AIM2: variants seen among roughly 807,000 people sequenced by gnomAD.
The protein encoded by AIM2 is interferon-inducible protein AIM2.
A neutral mutation model predicts 27.7 loss-of-function variants in AIM2; 30 were observed. That is an observed-to-expected ratio of 1.08 (90% confidence interval 0.81 to 1.47). The LOEUF is 1.47. Among genes scored for constraint, AIM2 ranks in the 40% most tolerant of loss-of-function variants. AIM2 has a pLI of 0.00. For synonymous variants in AIM2, 141 were observed against 145.3 expected, an observed-to-expected ratio of 0.97 and a Z score of 0.21; for missense variants, 358 against 411.3, an observed-to-expected ratio of 0.87 and a Z score of 1.12.
chr1:159,123,783 CCACAGTGTCGG>C (rs1647606213), intron 1 of AIM2, among the ~76,000 whole-genome samples: 2 of 152,230 alleles, frequency 1.3e-5, no homozygotes, highest in Admixed American at 1.3e-4. Context: ...AAGTGCTAAA[CCACAGTGTCGG>C]AAGGTAGCAG....
intron 1 of AIM2, among the ~76,000 whole-genome samples, chr1:159,100,434 A>G (rs1045616896): frequency 1.3e-5 from 2 of 152,204 alleles, no homozygotes; most frequent in Non-Finnish European, 2.9e-5. Flanking sequence ...GGACCAAGGG[A>G]AAGAGGGAGG....
At chr1:159,127,702 A>G (rs942920686) in intron 1 of AIM2, among the ~76,000 whole-genome samples, 11 of 152,206 alleles carry the variant, frequency 7.2e-5, no homozygotes, top group Non-Finnish European at 1.5e-5. Flanking sequence ...TTTCCACCAC[A>G]TGAGGACATA....
upstream of AIM2, among the ~76,000 whole-genome samples, chr1:159,142,274 G>C (rs1359672606): frequency 1.3e-5 from 2 of 152,196 alleles, no homozygotes; most frequent in South Asian, 2.1e-4. Context: ...GTCAAGCCCA[G>C]GCAAGAGGTA....
chr1:159,132,480 G>A (rs772398881), intron 1 of AIM2: 4 of 152,172 alleles, frequency 2.6e-5, no homozygotes, highest in Non-Finnish European at 4.4e-5. Context: ...CCTCCCAGCA[G>A]GTGGCGCCCT....
chr1:159,118,217 A>C (rs970646378), intron 1 of AIM2, among the ~76,000 whole-genome samples: 16 of 152,248 alleles, frequency 1.1e-4, no homozygotes. Flanking sequence ...GTTGTTCTAT[A>C]TCTTTTGCTA....
At chr1:159,121,480 T>C (rs969409597) in intron 1 of AIM2, among the ~76,000 whole-genome samples, 66 of 151,460 alleles carry the variant, frequency 4.4e-4, no homozygotes, top group African/African-American at 1.6e-3. Flanking sequence ...TGTAAGCATG[T>C]TTTTTTTTCC....
intron 1 of AIM2, among the ~76,000 whole-genome samples, chr1:159,127,353 C>G (rs993540501): frequency 2.0e-5 from 3 of 152,194 alleles, no homozygotes; most frequent in Non-Finnish European, 4.4e-5. Flanking sequence ...TGCTCTCACG[C>G]CACACTATCT....
At chr1:159,062,793 G>T in intron 5 of AIM2, 75 bp from the exon 6 acceptor site, 1 of 1,324,496 alleles carries the variant, frequency 7.6e-7, no homozygotes, top group South Asian at 1.2e-5. Context: ...AGTCACTATG[G>T]CCTTCTGAAG....
intron 1 of AIM2, among the ~76,000 whole-genome samples, chr1:159,132,779 A>T (rs1647924309): frequency 6.6e-6 from 1 of 152,230 alleles, no homozygotes; most frequent in Non-Finnish European, 1.5e-5. Context: ...TATAAGAGGC[A>T]GTCCAGTACC....
chr1:159,136,369 C>T (rs1648009449), intron 1 of AIM2, among the ~76,000 whole-genome samples: 1 of 152,042 alleles, frequency 6.6e-6, no homozygotes, highest in African/African-American at 2.4e-5. Context: ...TACAGCTTAC[C>T]CTATTTAATT....
At chr1:159,142,763 T>C (rs146181384), upstream of AIM2, among the ~76,000 whole-genome samples, 1 of 152,350 alleles carries the variant, frequency 6.6e-6, no homozygotes, top group African/African-American at 2.4e-5. Flanking sequence ...TTGTTTATAA[T>C]TTCCACTGAG....
downstream of AIM2, among the ~76,000 whole-genome samples, chr1:159,058,376 G>A (rs1262527004): frequency 1.7e-4 from 26 of 150,284 alleles, no homozygotes; most frequent in Admixed American, 1.7e-3. Flanking sequence ...AGGAGTGGGG[G>A]ATGAAGCTGG....
chr1:159,088,991 A>G (rs1656985846), intron 1 of AIM2, among the ~76,000 whole-genome samples: 1 of 152,240 alleles, frequency 6.6e-6, no homozygotes, highest in South Asian at 2.1e-4. Flanking sequence ...GTTCACAGGT[A>G]TCTCCATTTT....
chr1:159,075,703 GA>G (rs1656580460), intron 1 of AIM2, among the ~76,000 whole-genome samples: 1 of 152,024 alleles, frequency 6.6e-6, no homozygotes, highest in Non-Finnish European at 1.5e-5. Context: ...CAGTCTATTT[GA>G]AAAGTGTGCA....
chr1:159,068,480 G>A, intron 3 of AIM2, 88 bp downstream of exon 3: 1 of 1,474,780 alleles, frequency 6.8e-7, no homozygotes, highest in Admixed American at 2.5e-5. Flanking sequence ...TGCATGCTGT[G>A]AGATAAAGAA....
intron 1 of AIM2, among the ~76,000 whole-genome samples, chr1:159,127,717 T>C (rs1029356918): frequency 6.6e-6 from 1 of 152,138 alleles, no homozygotes; most frequent in Non-Finnish European, 1.5e-5. Flanking sequence ...GACATAGCCA[T>C]CTATGGGTCA....
chr1:159,056,468 CAG>C, the AIM2 span, among the ~76,000 whole-genome samples: 845 of 152,074 alleles, frequency 5.6e-3, 9 homozygotes, highest in African/African-American at 0.019. Flanking sequence ...TTCCTGCTGA[CAG>C]GGGGTGCTGT....
the AIM2 span, among the ~76,000 whole-genome samples, chr1:159,055,885 C>T: frequency 1.4e-4 from 21 of 152,102 alleles, no homozygotes; most frequent in African/African-American, 4.3e-4. Flanking sequence ...GTGACAAACA[C>T]GGAATAGAAA....
At chr1:159,126,529 G>A (rs1647695473) in intron 1 of AIM2, among the ~76,000 whole-genome samples, 2 of 151,430 alleles carry the variant, frequency 1.3e-5, no homozygotes, top group South Asian at 4.2e-4. Flanking sequence ...GGTGCCTGTA[G>A]TCCCAGCTAC....
Sources: allele counts gnomAD v4.1 joint callset (sites outside exome capture counted in the v4.1 genomes callset), GRCh38; gene constraint gnomAD v4.1.1; transcripts MANE v1.5; gene names NCBI Gene and HGNC (gene_info 2026-07-23, HGNC 2026-07-21).